The following ECPAS variants were observed in gnomAD, a reference collection of about 807,000 sequenced individuals.
ECPAS encodes proteasome adapter and scaffold protein ECM29.
ECPAS carries 70 observed loss-of-function variants against 255.1 expected under a neutral mutation model. The observed-to-expected ratio is 0.27, with a 90% CI of 0.23 to 0.33. The LOEUF (loss-of-function observed/expected upper bound fraction) is 0.33. ECPAS is among the 10% of genes least tolerant of loss of function. The pLI, the probability that ECPAS is intolerant of heterozygous loss-of-function variation, is 1.00. For missense variants in ECPAS, 1,817 were observed against 2,206.4 expected (o/e 0.82, Z 3.54); for synonymous variants, 784 against 775.0 (o/e 1.01, Z -0.19).
At chr9:111,395,856 C>G (rs1470568033) in intron 25 of ECPAS, among the ~76,000 whole-genome samples, 1 of 152,194 alleles carries the variant, frequency 6.6e-6, no homozygotes, top group Admixed American at 6.5e-5. Context: ...TCTATACAAA[C>G]TGCTCCTTGC....
intron 8 of ECPAS, among the ~76,000 whole-genome samples, chr9:111,431,233 G>A (rs1461690581): frequency 1.3e-5 from 2 of 152,036 alleles, no homozygotes; most frequent in Non-Finnish European, 2.9e-5. Context: ...ATTCTATTTG[G>A]GCCCCACAAT....
At position 111,417,889 on chromosome 9, in the gene ECPAS, T is replaced by C; in HGVS notation, c.1677A>G (p.Gln559=). Residue 559 remains glutamine (Q), a synonymous_variant, in exon 17 of 50, where the codon CAA becomes CAG. Transcript: ENST00000684092. ...PSFPEMVYYI[Q]EKASHRMKTP... Reference sequence around the variant, plus strand: ...CTTAAGTTGCATGCCATACCTTTTCTTGGATGTAATAAACCATTTCTGGGA... The same window carrying C: ...CTTAAGTTGCATGCCATACCTTTTCCTGGATGTAATAAACCATTTCTGGGA... 1 of 1,561,164 alleles carries C rather than the reference T, an allele frequency of 6.4e-7. No individual in the cohort carries two copies. The highest frequency in any genetic ancestry group is 2.3e-5 in the East Asian group (1 of 42,856).
chr9:111,478,309 A>G (rs954308084), intron 1 of ECPAS, among the ~76,000 whole-genome samples: 1 of 149,550 alleles, frequency 6.7e-6, no homozygotes, highest in South Asian at 2.3e-4. Context: ...TGGGTGGATC[A>G]CGAGGTCAGG....
At chr9:111,363,708 C>T (rs1229902457) in intron 48 of ECPAS, 49 bp from the exon 49 acceptor site, 1 of 848,830 alleles carries the variant, frequency 1.2e-6, no homozygotes. Flanking sequence ...AAAAACACAA[C>T]CTCCAAGATT....
At chr9:111,438,134 A>G (rs1314421135) in intron 6 of ECPAS, among the ~76,000 whole-genome samples, 1 of 152,214 alleles carries the variant, frequency 6.6e-6, no homozygotes, top group Non-Finnish European at 1.5e-5. Flanking sequence ...AAATGTGAGG[A>G]ATCACTGGCT....
At position 111,480,870 on chromosome 9, in the gene ECPAS, C is replaced by G. The variant is rs547906749; in HGVS notation, c.-83+3246G>C. Among the ~76,000 whole-genome samples, 6 of 152,276 alleles carry G rather than the reference C, an allele frequency of 3.9e-5. No homozygotes were observed. The East Asian group carries it at 1.2e-3, about 29-fold the overall frequency. ...CCTAACTTTCCATTAGGTACTAGAGCCAGGAAATCCCTTAACTATCAGCAT... is the reference window on the plus strand; with the variant it reads ...CCTAACTTTCCATTAGGTACTAGAGGCAGGAAATCCCTTAACTATCAGCAT... On this transcript the variant is annotated intron_variant, in intron 1 of 49. Coordinates refer to ENST00000684092, the MANE Select transcript of ECPAS (RefSeq NM_001364929.1).
Position 111,382,326 on chromosome 9 carries a change from G to A in ECPAS, c.3803+885C>T, listed in dbSNP as rs1045223161. Among the ~76,000 whole-genome samples, 10 of 147,108 alleles carry A rather than the reference G, an allele frequency of 6.8e-5. No homozygotes were observed. The South Asian group carries it at 1.3e-3, about 19-fold the overall frequency. On this transcript the variant is annotated intron_variant, in intron 35 of 49. Coordinates refer to ENST00000684092, the MANE Select transcript of ECPAS (RefSeq NM_001364929.1). ...GTTGTCCAGGCTGGAGTGCAATGGC[G>A]CAATCTGGGCTCACCGCAACCTCCG...
chr9:111,389,497 A>G lies in ECPAS; in HGVS notation c.3447+59T>C, dbSNP rs1025002650. ...AAGATGGACACTGGGTTTAAATCCT[A>G]TGCATGACCCTGGACAGTCTACAGT... On this transcript the variant is annotated intron_variant, in intron 31 of 49. Coordinates refer to ENST00000684092, the MANE Select transcript of ECPAS (RefSeq NM_001364929.1). 1.5e-5 allele frequency: 21 copies of G among 1,444,232 alleles called. No homozygotes were observed. In the Admixed American group the frequency reaches 2.3e-4, roughly 16 times the overall value. The allele number at this position is 1,444,232 out of a possible 1,614,324, so 89.5% of individuals were successfully genotyped here. A position where few individuals can be genotyped will look rare whatever the true frequency, so the allele number is the denominator to read the frequency against.
intron 25 of ECPAS, among the ~76,000 whole-genome samples, chr9:111,395,312 CT>C (rs2098166021): frequency 6.6e-6 from 1 of 152,092 alleles, no homozygotes; most frequent in South Asian, 2.1e-4. Context: ...GACCTGGGCC[CT>C]AACTGGCTTC....
chr9:111,366,653 A>G, intron 46 of ECPAS, 26 bp from the exon 47 acceptor site: 1 of 1,447,664 alleles, frequency 6.9e-7, no homozygotes, highest in Non-Finnish European at 9.7e-7. Context: ...AAGGTGGGAC[A>G]GAGCAGGAGA....
intron 12 of ECPAS, 84 bp from the exon 13 acceptor site, chr9:111,423,332 C>T (rs1266366133): frequency 1.4e-5 from 13 of 919,802 alleles, no homozygotes; most frequent in African/African-American, 1.2e-4. Context: ...AAAACCTTTT[C>T]GCTGCAATTA....
intron 25 of ECPAS, 140 bp from the exon 26 acceptor site, chr9:111,394,445 G>A: frequency 1.4e-6 from 1 of 727,668 alleles, no homozygotes; most frequent in Non-Finnish European, 2.0e-6. Context: ...TAAAGTTGCT[G>A]AAGGAATCAA....
At chr9:111,407,170 G>A (rs1484736977) in intron 24 of ECPAS, among the ~76,000 whole-genome samples, 1 of 146,686 alleles carries the variant, frequency 6.8e-6, no homozygotes, top group African/African-American at 2.7e-5. Flanking sequence ...GGGAGGCCGA[G>A]GTGGGCGGAT....
chr9:111,449,240 G>A (rs1049703500), intron 3 of ECPAS, among the ~76,000 whole-genome samples: 1 of 151,804 alleles, frequency 6.6e-6, no homozygotes, highest in Non-Finnish European at 1.5e-5. Context: ...AATAAAAATA[G>A]AAAAAAATAC....
rs1427740211 is a variant in ECPAS at position 111,393,714 on chromosome 9, T to C, written c.2943A>G (p.Gln981=). Residue 981 remains glutamine, a synonymous_variant, in exon 27 of 50, where the codon CAA becomes CAG. Transcript: ENST00000684092. ...KEVKSHLKEI[Q]SAFVSVLSEN... is the part of the protein sequence containing the mutation. The stretch of plus-strand genomic sequence containing the variant: ...CTGATAGAACTGAAACAAATGCACT[T>C]TGAATTTCTTTAAGATGAGACTGAA... The C allele has an allele frequency of 3.1e-6, 5 of 1,588,390 alleles. No individual in the cohort carries two copies. The highest frequency in any genetic ancestry group is 2.7e-5 in the African/African-American group (2 of 74,324).
chr9:111,465,081 T>C (rs1461731932), intron 2 of ECPAS, among the ~76,000 whole-genome samples: 3 of 151,882 alleles, frequency 2.0e-5, no homozygotes, highest in Non-Finnish European at 2.9e-5. Flanking sequence ...GAGGTTGTGG[T>C]GAGTCGAAAT....
intron 3 of ECPAS, among the ~76,000 whole-genome samples, chr9:111,447,473 A>C (rs189499528): frequency 6.6e-6 from 1 of 152,260 alleles, no homozygotes; most frequent in Non-Finnish European, 1.5e-5. Context: ...TGTCATGTTA[A>C]ATATCGGCGA....
rs143492409 is a variant in ECPAS at position 111,365,288 on chromosome 9, TATC to T, written c.5308+948_5308+950del. ...CTGTCTCAAAAATAATAATAACCAT[TATC>T]ATCATCATCATCATCATCATCATCA... On this transcript the variant is annotated intron_variant, in intron 48 of 49. Transcript: ENST00000684092. Among the ~76,000 whole-genome samples, 738 of 147,632 alleles carry T rather than the reference TATC, an allele frequency of 5.0e-3. 3 individuals carry two copies. The highest frequency in any genetic ancestry group is 0.011 in the African/African-American group (451 of 39,750).
At chr9:111,418,606 T>A (rs746889267) in intron 16 of ECPAS, among the ~76,000 whole-genome samples, 6 of 152,226 alleles carry the variant, frequency 3.9e-5, no homozygotes, top group African/African-American at 1.4e-4. Flanking sequence ...AAGAAAGAAT[T>A]AATAAATAAT....
Sources: allele counts gnomAD v4.1 joint callset (sites outside exome capture counted in the v4.1 genomes callset), GRCh38; gene constraint gnomAD v4.1.1; transcripts MANE v1.5; gene names NCBI Gene and HGNC (gene_info 2026-07-23, HGNC 2026-07-21).